HDAC9: variants seen among roughly 807,000 people sequenced by gnomAD.
HDAC9 encodes histone deacetylase 9.
A neutral mutation model predicts 139.4 loss-of-function variants in HDAC9; 41 were observed. That is an observed-to-expected ratio of 0.29 (90% CI 0.23 to 0.38). HDAC9 has a LOEUF of 0.38. Ranked by LOEUF, HDAC9 falls within the 10% of genes least tolerant of loss-of-function variation. The pLI is 1.00. For missense variants in HDAC9, 1,147 were observed against 1,297.0 expected, an observed-to-expected ratio of 0.88 and a Z score of 1.78; for synonymous variants, 517 against 476.2, an observed-to-expected ratio of 1.09 and a Z score of -1.12.
At chr7:18,964,932 C>G (rs1313517873) in intron 24 of HDAC9, among the ~76,000 whole-genome samples, 4 of 152,182 alleles carry the variant, frequency 2.6e-5, no homozygotes, top group Non-Finnish European at 4.4e-5. Context: ...GTGATAGAAA[C>G]AATCCTTTGA....
intron 17 of HDAC9, among the ~76,000 whole-genome samples, chr7:18,794,173 T>C (rs1459289963): frequency 1.3e-5 from 2 of 152,208 alleles, no homozygotes; most frequent in African/African-American, 2.4e-5. Flanking sequence ...ATAAACTTTG[T>C]TGGTGCTAAC....
chr7:18,395,274 T>G (rs1383073265), intron 1 of HDAC9: 2 of 152,098 alleles, frequency 1.3e-5, no homozygotes, highest in Admixed American at 1.3e-4. Context: ...TTTAGCAACT[T>G]CACACATTAT....
At chr7:18,761,256 T>C (rs1317939961) in intron 14 of HDAC9, among the ~76,000 whole-genome samples, 4 of 152,210 alleles carry the variant, frequency 2.6e-5, no homozygotes, top group African/African-American at 7.2e-5. Flanking sequence ...TACTGGATAA[T>C]TGAGGTTTGA....
rs113417926 is a variant in HDAC9 at position 18,726,583 on chromosome 7, T to C, written c.1732-997T>C. 4.5e-3 allele frequency among the ~76,000 whole-genome samples: 680 copies of C among 152,224 alleles called. 6 individuals are homozygous for C. The highest frequency in any genetic ancestry group is 0.015 in the African/African-American group (629 of 41,550). ...GTTTTTTACCACTGTTCAGCTATTT[T>C]TCACATTCGTTAGGAAAGATAAATA... On this transcript the variant is annotated intron_variant, in intron 12 of 25. Transcript: ENST00000686413.
chr7:18,976,669 C>T (rs1419798708), intron 25 of HDAC9, among the ~76,000 whole-genome samples: 3 of 152,178 alleles, frequency 2.0e-5, no homozygotes, highest in Non-Finnish European at 4.4e-5. Context: ...ATTTGGTGTT[C>T]ATCATTCAGT....
At position 18,736,183 on chromosome 7, in the gene HDAC9, G is replaced by A. The variant is rs1049689245; in HGVS notation, c.1909+8426G>A. Reference sequence around the variant, plus strand: ...TATACAATCATGTCATCTGCAAACAGGGACAATTTCACTTCCTCTTTTTCT... The same window carrying A: ...TATACAATCATGTCATCTGCAAACAAGGACAATTTCACTTCCTCTTTTTCT... On this transcript the variant is annotated intron_variant, in intron 13 of 25. Transcript: ENST00000686413. 1.2e-4 allele frequency among the ~76,000 whole-genome samples: 19 copies of A among 152,174 alleles called. No individual in the cohort carries two copies. The East Asian group carries it at 3.5e-3, about 28-fold the overall frequency.
chr7:18,340,393 A>T (rs929773397), intron 1 of HDAC9, among the ~76,000 whole-genome samples: 1 of 151,402 alleles, frequency 6.6e-6, no homozygotes, highest in Non-Finnish European at 1.5e-5. Flanking sequence ...GTTTAAATCT[A>T]CTATTTTGCT....
chr7:18,649,136 C>T (rs190370997), intron 11 of HDAC9, among the ~76,000 whole-genome samples: 2 of 152,256 alleles, frequency 1.3e-5, no homozygotes, highest in East Asian at 3.9e-4. Flanking sequence ...TTGCGAATGC[C>T]CCACTTCATT....
chr7:18,533,579 A>G (rs982993050), intron 2 of HDAC9, among the ~76,000 whole-genome samples: 4 of 151,798 alleles, frequency 2.6e-5, no homozygotes, highest in African/African-American at 9.7e-5. Flanking sequence ...TCCCCAACAC[A>G]TTTGGAAGCT....
intron 1 of HDAC9, among the ~76,000 whole-genome samples, chr7:18,364,089 CTTCT>C (rs1783992849): frequency 6.6e-6 from 1 of 152,074 alleles, no homozygotes; most frequent in South Asian, 2.1e-4. Flanking sequence ...GCCTTTTCTC[CTTCT>C]TTATCACTTC....
chr7:18,302,686 T>C (rs1221167581), intron 1 of HDAC9, among the ~76,000 whole-genome samples: 1 of 152,206 alleles, frequency 6.6e-6, no homozygotes, highest in East Asian at 1.9e-4. Context: ...ATGTCTAGTC[T>C]GTAAGGCAGT....
chr7:18,112,005 G>A (rs981242484), intron 1 of HDAC9, among the ~76,000 whole-genome samples: 1 of 152,168 alleles, frequency 6.6e-6, no homozygotes, highest in African/African-American at 2.4e-5. Context: ...TGTTAAAATA[G>A]CCATTAGTAA....
chr7:18,816,948 A>G (rs1794603356), intron 17 of HDAC9, among the ~76,000 whole-genome samples: 1 of 152,032 alleles, frequency 6.6e-6, no homozygotes, highest in African/African-American at 2.4e-5. Context: ...TTTGATTGTA[A>G]TTTTTTGGGC....
intron 2 of HDAC9, among the ~76,000 whole-genome samples, chr7:18,522,318 G>A (rs1805310916): frequency 6.6e-6 from 1 of 152,090 alleles, no homozygotes; most frequent in South Asian, 2.1e-4. Flanking sequence ...TTAGATGTGG[G>A]GATAGACGTT....
intron 25 of HDAC9, among the ~76,000 whole-genome samples, chr7:18,994,007 C>T (rs958061259): frequency 6.6e-6 from 1 of 152,104 alleles, no homozygotes; most frequent in South Asian, 2.1e-4. Flanking sequence ...CTGTTTCAAC[C>T]AAAGAGGCTT....
At chr7:18,481,145 A>G (rs887670708) in intron 1 of HDAC9, among the ~76,000 whole-genome samples, 3 of 152,156 alleles carry the variant, frequency 2.0e-5, no homozygotes, top group Admixed American at 6.6e-5. Context: ...TGGAGAGGGC[A>G]ATCCAACTTT....
intron 12 of HDAC9, among the ~76,000 whole-genome samples, chr7:18,722,171 A>G (rs1307008529): frequency 6.6e-6 from 1 of 152,194 alleles, no homozygotes; most frequent in Non-Finnish European, 1.5e-5. Context: ...TTCCAGAATG[A>G]CCATCTGGCA....
chr7:18,719,331 CTTTTTTTT>C (rs757689693), intron 12 of HDAC9, among the ~76,000 whole-genome samples: 1,040 of 73,882 alleles, frequency 0.014, 7 homozygotes, highest in South Asian at 0.023. Flanking sequence ...TTTTCTCTTC[CTTTTTTTT>C]TTTTTTTTTT....
intron 25 of HDAC9, among the ~76,000 whole-genome samples, chr7:18,990,022 AT>A (rs1327931435): frequency 6.6e-6 from 1 of 151,750 alleles, no homozygotes; most frequent in Non-Finnish European, 1.5e-5. Flanking sequence ...GCTCAGAGTA[AT>A]TTGATCGTCT....
Sources: gnomAD v4.1 joint callset for allele counts (sites outside exome capture counted in the v4.1 genomes callset) on GRCh38, gnomAD v4.1.1 for gene constraint, MANE v1.5 for transcripts, NCBI Gene and HGNC (gene_info 2026-07-23, HGNC 2026-07-21) for gene names.